VTI1A: variants seen among roughly 807,000 people sequenced by gnomAD.
The protein encoded by VTI1A is vesicle transport through interaction with t-SNAREs 1A.
VTI1A carries 22 observed loss-of-function variants against 34.9 expected under a neutral mutation model. That is an observed-to-expected ratio of 0.63 (90% CI 0.45 to 0.90). The LOEUF (loss-of-function observed/expected upper bound fraction) is 0.90, where lower values mean the gene tolerates loss of function less well. Among genes scored for constraint, VTI1A ranks in the 40% least tolerant of loss-of-function variants. The pLI is 0.00. For missense variants in VTI1A, 268 were observed against 275.6 expected (o/e 0.97, Z 0.20); for synonymous variants, 87 against 97.3 (o/e 0.89, Z 0.62).
chr10:112,661,590 T>C (rs1311269209), intron 5 of VTI1A, among the ~76,000 whole-genome samples: 1 of 152,192 alleles, frequency 6.6e-6, no homozygotes, highest in African/African-American at 2.4e-5. Flanking sequence ...TTTTATTTCA[T>C]CTTAATTTTT....
chr10:112,650,662 G>A (rs770152678), intron 5 of VTI1A, among the ~76,000 whole-genome samples: 6 of 152,168 alleles, frequency 3.9e-5, no homozygotes, highest in Non-Finnish European at 8.8e-5. Context: ...CACGAGTAAT[G>A]CATTGTGCTA....
At position 112,625,726 on chromosome 10, in the gene VTI1A, C is replaced by T. The variant is rs114731333; in HGVS notation, c.428-42492C>T. On this transcript the variant is annotated intron_variant, in intron 5 of 7. Coordinates refer to ENST00000393077, the MANE Select transcript of VTI1A (RefSeq NM_145206.4). ...TGAGGATGCAGAGGCATAAGAATGA[C>T]GCAATGGACTTTGGGGACTTAGGGG... Among the ~76,000 whole-genome samples, 983 of 151,082 alleles carry T rather than the reference C, an allele frequency of 6.5e-3. 9 individuals are homozygous for T. Among genetic ancestry groups the T allele is most frequent in the African/African-American group, 0.023 (935 of 41,068 alleles).
chr10:112,606,173 A>C (rs1845073656), intron 5 of VTI1A, among the ~76,000 whole-genome samples: 2 of 151,442 alleles, frequency 1.3e-5, no homozygotes, highest in Non-Finnish European at 2.9e-5. Context: ...TTACAGGTGC[A>C]CGCCACCACC....
intron 7 of VTI1A, among the ~76,000 whole-genome samples, chr10:112,810,473 A>G (rs1233369201): frequency 6.6e-6 from 1 of 151,762 alleles, no homozygotes; most frequent in Non-Finnish European, 1.5e-5. Flanking sequence ...TTCTCTGCCC[A>G]CTGTGGGTCA....
intron 5 of VTI1A, among the ~76,000 whole-genome samples, chr10:112,650,053 C>A (rs151283132): frequency 1.3e-5 from 2 of 152,244 alleles, no homozygotes; most frequent in East Asian, 1.9e-4. Flanking sequence ...AAATGTTTTT[C>A]TTTCTTCAAC....
chr10:112,524,339 G>T (rs1850140424), intron 3 of VTI1A, among the ~76,000 whole-genome samples: 1 of 152,080 alleles, frequency 6.6e-6, no homozygotes, highest in Non-Finnish European at 1.5e-5. Context: ...CAGCATTGTT[G>T]TGTCGTGCTC....
At chr10:112,504,323 C>G (rs1849348023) in intron 3 of VTI1A, among the ~76,000 whole-genome samples, 1 of 152,122 alleles carries the variant, frequency 6.6e-6, no homozygotes, top group African/African-American at 2.4e-5. Context: ...TTTACAGATT[C>G]TCTTTAAATA....
intron 7 of VTI1A, among the ~76,000 whole-genome samples, chr10:112,796,551 C>T (rs1054275553): frequency 6.6e-6 from 1 of 152,182 alleles, no homozygotes; most frequent in Non-Finnish European, 1.5e-5. Flanking sequence ...CAGCCCACCT[C>T]TTCACAAAAC....
chr10:112,620,553 G>T (rs1845694029), intron 5 of VTI1A, among the ~76,000 whole-genome samples: 1 of 152,170 alleles, frequency 6.6e-6, no homozygotes. Context: ...AACTTTGGGA[G>T]GCCGAGGCGG....
At chr10:112,641,227 G>A (rs913177036) in intron 5 of VTI1A, among the ~76,000 whole-genome samples, 4 of 152,016 alleles carry the variant, frequency 2.6e-5, no homozygotes, top group African/African-American at 4.8e-5. Flanking sequence ...CATGCAGTTC[G>A]AAAGCCTTTG....
At chr10:112,556,388 GACTCTGATATTTCA>G (rs1851545295) in intron 5 of VTI1A, among the ~76,000 whole-genome samples, 1 of 151,948 alleles carries the variant, frequency 6.6e-6, no homozygotes, top group Non-Finnish European at 1.5e-5. Flanking sequence ...GCAAATATAT[GACTCTGATATTTCA>G]ACTCTAAAAA....
chr10:112,673,468 G>GCGCACACACACACACA (rs1554938762), intron 7 of VTI1A, among the ~76,000 whole-genome samples: 6 of 151,562 alleles, frequency 4.0e-5, no homozygotes, highest in African/African-American at 9.7e-5. Flanking sequence ...GCGTGCGCGC[G>GCGCACACACACACACA]CACACACACA....
intron 5 of VTI1A, among the ~76,000 whole-genome samples, chr10:112,563,623 A>G (rs1851807044): frequency 6.6e-6 from 1 of 152,200 alleles, no homozygotes; most frequent in Non-Finnish European, 1.5e-5. Context: ...GCAAACAGAA[A>G]ATAGTGTCAT....
At chr10:112,556,027 A>G (rs896180268) in intron 5 of VTI1A, among the ~76,000 whole-genome samples, 13 of 152,126 alleles carry the variant, frequency 8.5e-5, no homozygotes, top group African/African-American at 2.9e-4. Flanking sequence ...TCTGACATGT[A>G]TATATGAGAA....
chr10:112,649,219 A>G (rs1471149362), intron 5 of VTI1A, among the ~76,000 whole-genome samples: 1 of 152,140 alleles, frequency 6.6e-6, no homozygotes, highest in Admixed American at 6.5e-5. Context: ...GCCATTACCC[A>G]CTGCTAATTC....
chr10:112,640,247 A>C (rs560686418), intron 5 of VTI1A, among the ~76,000 whole-genome samples: 1 of 152,302 alleles, frequency 6.6e-6, no homozygotes, highest in African/African-American at 2.4e-5. Context: ...GACATCTTTA[A>C]TAGCAATATC....
intron 3 of VTI1A, among the ~76,000 whole-genome samples, chr10:112,523,909 C>T (rs543978433): frequency 6.6e-5 from 10 of 151,916 alleles, no homozygotes; most frequent in South Asian, 2.1e-4. Context: ...AATTTTATAC[C>T]GTTGATAATA....
intron 7 of VTI1A, among the ~76,000 whole-genome samples, chr10:112,781,030 C>T (rs1486822011): frequency 6.6e-6 from 1 of 152,074 alleles, no homozygotes; most frequent in Non-Finnish European, 1.5e-5. Context: ...CTGCAACCTC[C>T]GCCTCCCAGG....
At chr10:112,607,656 GGTC>G (rs1845134184) in intron 5 of VTI1A, among the ~76,000 whole-genome samples, 1 of 152,182 alleles carries the variant, frequency 6.6e-6, no homozygotes, top group Admixed American at 6.5e-5. Flanking sequence ...TGTGTCTTTG[GGTC>G]ATGGATTCTT....
Sources: allele counts gnomAD v4.1 joint callset (sites outside exome capture counted in the v4.1 genomes callset), GRCh38; gene constraint gnomAD v4.1.1; transcripts MANE v1.5; gene names NCBI Gene and HGNC (gene_info 2026-07-23, HGNC 2026-07-21).